Variants in VGLL4 observed in about 807,000 individuals in gnomAD.
VGLL4 encodes transcription cofactor vestigial-like protein 4.
A neutral mutation model predicts 21.0 loss-of-function variants in VGLL4; 7 were observed. The observed-to-expected ratio is 0.33, with a 90% confidence interval of 0.19 to 0.63. The LOEUF is 0.63. Ranked by LOEUF, VGLL4 falls within the 20% of genes least tolerant of loss-of-function variation. The pLI is 0.78. For missense variants in VGLL4, 394 were observed against 425.7 expected, an observed-to-expected ratio of 0.93 and a Z score of 0.66; for synonymous variants, 222 against 173.2, an observed-to-expected ratio of 1.28 and a Z score of -2.21.
intron 2 of VGLL4, among the ~76,000 whole-genome samples, chr3:11,599,437 T>C (rs2074728583): frequency 6.7e-6 from 1 of 149,578 alleles, no homozygotes; most frequent in African/African-American, 2.5e-5. Flanking sequence ...GATTCTATTA[T>C]TTACACTTAA....
chr3:11,604,211 G>C (rs1010885470), intron 1 of VGLL4: 1 of 240,158 alleles, frequency 4.2e-6, no homozygotes, highest in Non-Finnish European at 6.6e-6. Context: ...TGGTAAATGC[G>C]TGCTGTAGTA....
chr3:11,704,931 G>A (rs1017290374), intron 1 of VGLL4, among the ~76,000 whole-genome samples: 4 of 152,318 alleles, frequency 2.6e-5, no homozygotes, highest in East Asian at 1.9e-4. Context: ...GAACTTGAGC[G>A]GAGGCTTTGA....
intron 3 of VGLL4, among the ~76,000 whole-genome samples, chr3:11,561,528 G>A (rs1179244522): frequency 6.6e-6 from 1 of 152,156 alleles, no homozygotes; most frequent in African/African-American, 2.4e-5. Context: ...CGTGGGACTG[G>A]CTCCACCACC....
chr3:11,691,951 A>G (rs1190169831), intron 2 of VGLL4, among the ~76,000 whole-genome samples: 1 of 148,042 alleles, frequency 6.8e-6, no homozygotes, highest in Non-Finnish European at 1.5e-5. Flanking sequence ...TGGAGAGAGA[A>G]GAGATGATGG....
chr3:11,604,393 A>G lies in VGLL4; in HGVS notation c.83-2371T>C. ...GGCCTCTGCAATCAGACAACGCCTCATCCTAAGACTGTGCAGCCTCACACA... is the reference window on the plus strand; with the variant it reads ...GGCCTCTGCAATCAGACAACGCCTCGTCCTAAGACTGTGCAGCCTCACACA... On this transcript the variant is annotated intron_variant, in intron 1 of 4. Transcript: ENST00000430365. The G allele has an allele frequency of 3.1e-6, 3 of 957,046 alleles. 1 individual carries two copies. The highest frequency in any genetic ancestry group is 1.0e-4 in the South Asian group (2 of 19,388). The allele number at this position is 957,046 out of a possible 1,614,324, so 59.3% of individuals were successfully genotyped here. A position where few individuals can be genotyped will look rare whatever the true frequency, so the allele number is the denominator to read the frequency against.
chr3:11,683,235 G>A (rs2076401294), intron 2 of VGLL4, among the ~76,000 whole-genome samples: 1 of 151,898 alleles, frequency 6.6e-6, no homozygotes, highest in Non-Finnish European at 1.5e-5. Flanking sequence ...CATGAGATAT[G>A]ACCTTACCCC....
rs10539636 is a variant in VGLL4 at position 11,650,718 on chromosome 3, A to AACAC, written c.65-48700_65-48697dup. Reference sequence around the variant, plus strand: ...TTTTCTCTTCTTGCTACACATAGAAAACACACACACACACACACACACACA... The same window carrying AACAC: ...TTTTCTCTTCTTGCTACACATAGAAAACACACACACACACACACACACACACACA... On this transcript the variant is annotated intron_variant, in intron 2 of 5. Coordinates refer to the VGLL4 transcript ENST00000273038. Among the ~76,000 whole-genome samples the AACAC allele has an allele frequency of 2.5e-3, 366 of 147,622 alleles. 2 individuals are homozygous for AACAC. Among genetic ancestry groups the AACAC allele is most frequent in the South Asian group, 8.8e-3 (41 of 4,664 alleles).
chr3:11,567,062 C>G (rs553210379), intron 2 of VGLL4, among the ~76,000 whole-genome samples: 277 of 152,112 alleles, frequency 1.8e-3, no homozygotes, highest in African/African-American at 6.4e-3. Context: ...AAGGGCTGAG[C>G]AGGAGAAGCA....
At chr3:11,621,728 G>A (rs866577411) in intron 1 of VGLL4, among the ~76,000 whole-genome samples, 3 of 152,048 alleles carry the variant, frequency 2.0e-5, no homozygotes, top group Non-Finnish European at 4.4e-5. Context: ...TTAACATTTC[G>A]AGCAACTGCA....
At chr3:11,651,350 GAAAGAAAGAA>G (rs1449682606) in intron 2 of VGLL4, among the ~76,000 whole-genome samples, 7 of 143,948 alleles carry the variant, frequency 4.9e-5, no homozygotes, top group African/African-American at 1.3e-4. Flanking sequence ...AAAAAAAAAA[GAAAGAAAGAA>G]AAAGAAAGAA....
At chr3:11,638,625 A>C (rs1195859330) in intron 1 of VGLL4, among the ~76,000 whole-genome samples, 1 of 152,122 alleles carries the variant, frequency 6.6e-6, no homozygotes, top group Non-Finnish European at 1.5e-5. Context: ...TTCCACAGCA[A>C]AACAGTTACA....
chr3:11,572,660 C>T (rs955457768), intron 2 of VGLL4, among the ~76,000 whole-genome samples: 1 of 152,202 alleles, frequency 6.6e-6, no homozygotes, highest in African/African-American at 2.4e-5. Context: ...ATGCTTCACA[C>T]TCCAGCATGC....
chr3:11,634,373 C>T (rs1008564291), intron 1 of VGLL4, among the ~76,000 whole-genome samples: 17 of 152,174 alleles, frequency 1.1e-4, no homozygotes, highest in African/African-American at 3.6e-4. Context: ...CCAGGCTCCT[C>T]CCCTAAGGAT....
At chr3:11,558,920 G>T (rs552416606) in intron 4 of VGLL4, 93 bp from the exon 5 acceptor site, 364 of 1,451,012 alleles carry the variant, frequency 2.5e-4, no homozygotes, top group Non-Finnish European at 3.3e-4. Context: ...GCCCAGAGCC[G>T]GACTGGCTGC....
intron 1 of VGLL4, 137 bp downstream of exon 1, chr3:11,643,300 A>G: frequency 7.3e-7 from 1 of 1,362,618 alleles, no homozygotes; most frequent in Non-Finnish European, 1.0e-6. Context: ...GCCGAACCGA[A>G]CCTAAGAAAC....
At chr3:11,574,785 ATGTGTGTGTGTGTGTGTGTGTG>A (rs375691226) in intron 2 of VGLL4, among the ~76,000 whole-genome samples, 39 of 121,700 alleles carry the variant, frequency 3.2e-4, no homozygotes, top group South Asian at 6.5e-4. Flanking sequence ...TCAACTATAT[ATGTGTGTGTGTGTGTGTGTGTG>A]TGTGTGTGTG....
rs1228813940 is a variant in VGLL4 at position 11,709,435 on chromosome 3, T to TCAAAAAAAAAAAAAAAA, written c.-13-6389_-13-6388insTTTTTTTTTTTTTTTTG. Among the ~76,000 whole-genome samples, 41 of 108,832 alleles carry TCAAAAAAAAAAAAAAAA rather than the reference T, an allele frequency of 3.8e-4. 1 individual carries two copies. The highest frequency in any genetic ancestry group is 1.4e-3 in the African/African-American group (41 of 29,872). 71.4% of individuals were successfully genotyped at this position (108,832 alleles called of 152,430 possible). ...CCAGGGAACAGTGCAAGACTCCGTCTAAAAAAAAAAAAAAAAAAAAAAAAA... is the reference window on the plus strand; with the variant it reads ...CCAGGGAACAGTGCAAGACTCCGTCTCAAAAAAAAAAAAAAAAAAAAAAAAAAAAAAAAAAAAAAAAA... On this transcript the variant is annotated intron_variant, in intron 1 of 5. Coordinates refer to the VGLL4 transcript ENST00000273038.
At chr3:11,693,490 A>T (rs1179284292) in intron 2 of VGLL4, among the ~76,000 whole-genome samples, 1 of 151,962 alleles carries the variant, frequency 6.6e-6, no homozygotes, top group African/African-American at 2.4e-5. Context: ...AAGTCTGGCC[A>T]CCCTCCCCAT....
chr3:11,590,097 C>T (rs147416348), intron 2 of VGLL4, among the ~76,000 whole-genome samples: 9 of 152,300 alleles, frequency 5.9e-5, no homozygotes, highest in African/African-American at 1.9e-4. Flanking sequence ...TTGGGACCAC[C>T]GAACTTTGAC....
Sources: allele counts gnomAD v4.1 joint callset (sites outside exome capture counted in the v4.1 genomes callset), GRCh38; gene constraint gnomAD v4.1.1; transcripts MANE v1.5; gene names NCBI Gene and HGNC (gene_info 2026-07-23, HGNC 2026-07-21).